BMPR1A: variants seen among roughly 807,000 people sequenced by gnomAD.
The protein encoded by BMPR1A is bone morphogenetic protein receptor type-1A.
Under a neutral mutation model 66.0 loss-of-function variants are expected in BMPR1A, and 7 were observed. The ratio of observed to expected loss-of-function variants is 0.11; its 90% CI spans 0.06 to 0.20. The LOEUF (loss-of-function observed/expected upper bound fraction) is 0.20, where lower values mean the gene tolerates loss of function less well. BMPR1A is among the 10% of genes least tolerant of loss of function. BMPR1A has a pLI of 1.00. For synonymous variants in BMPR1A, 200 were observed against 229.7 expected (o/e 0.87, Z 1.17); for missense variants, 408 against 669.1 (o/e 0.61, Z 4.31).
intron 2 of BMPR1A, among the ~76,000 whole-genome samples, chr10:86,842,020 C>A (rs1465584272): frequency 6.6e-6 from 1 of 152,184 alleles, no homozygotes; most frequent in Non-Finnish European, 1.5e-5. Flanking sequence ...ATTCTGTCAG[C>A]CGCTCTAAGC....
chr10:86,795,414 TTG>T (rs1841693319), intron 1 of BMPR1A, among the ~76,000 whole-genome samples: 1 of 76,710 alleles, frequency 1.3e-5, no homozygotes, highest in South Asian at 4.0e-4. Flanking sequence ...AAAAAGTGAT[TTG>T]TTTTTTTTTT....
At chr10:86,756,454 G>A (rs1305974472), upstream of BMPR1A, 4 of 151,440 alleles carry the variant, frequency 2.6e-5, no homozygotes, top group African/African-American at 9.7e-5. Flanking sequence ...CTTCCGCCGT[G>A]CGCTCGGCTC....
At chr10:86,920,856 C>CTTTTTTTTTTT (rs397774280) in intron 10 of BMPR1A, among the ~76,000 whole-genome samples, 18 of 122,186 alleles carry the variant, frequency 1.5e-4, no homozygotes, top group Non-Finnish European at 2.0e-4. Flanking sequence ...CTTTTCTTTT[C>CTTTTTTTTTTT]TTTTTTTTTT....
At chr10:86,799,506 C>CTTCCTTCCTTCCTTCT (rs1354339570) in intron 1 of BMPR1A, among the ~76,000 whole-genome samples, 1 of 64,478 alleles carries the variant, frequency 1.6e-5, no homozygotes, top group African/African-American at 4.2e-5. Flanking sequence ...TCCTTCCTTC[C>CTTCCTTCCTTCCTTCT]TTTCTTTTCT....
At chr10:86,782,943 AT>A (rs1207289399) in intron 1 of BMPR1A, among the ~76,000 whole-genome samples, 1 of 152,182 alleles carries the variant, frequency 6.6e-6, no homozygotes, top group East Asian at 1.9e-4. Context: ...CCAAGAAATC[AT>A]TGCCAAATTC....
chr10:86,761,578 A>C (rs922164107), intron 1 of BMPR1A, among the ~76,000 whole-genome samples: 1 of 152,252 alleles, frequency 6.6e-6, no homozygotes, highest in East Asian at 1.9e-4. Flanking sequence ...AAACCCATTT[A>C]TGCCTAGTGT....
intron 3 of BMPR1A, among the ~76,000 whole-genome samples, chr10:86,887,757 C>T (rs1053743311): frequency 2.0e-5 from 3 of 152,114 alleles, no homozygotes; most frequent in Admixed American, 6.5e-5. Flanking sequence ...TGAATTGATA[C>T]GTGTCTTCTG....
Position 86,926,098 on chromosome 10 carries a change from T to C in BMPR1A, c.*2379T>C, listed in dbSNP as rs567593794. 52 of 172,344 alleles carry C rather than the reference T, an allele frequency of 3.0e-4. No individual in the cohort carries two copies. Among genetic ancestry groups the C allele is most frequent in the East Asian group, 1.4e-3 (13 of 9,350 alleles). 10.7% of individuals were successfully genotyped at this position (172,344 alleles called of 1,614,324 possible). ...CAGCCAGTATATGAGACCACTATTA[T>C]GGTTTTTTAAAATTAACTTGGTCTA... On this transcript the variant is annotated 3_prime_UTR_variant, in exon 13 of 13. Coordinates refer to ENST00000372037, the MANE Select transcript of BMPR1A (RefSeq NM_004329.3).
intron 2 of BMPR1A, among the ~76,000 whole-genome samples, chr10:86,853,579 G>A (rs1453317745): frequency 6.7e-6 from 1 of 148,526 alleles, no homozygotes; most frequent in Non-Finnish European, 1.5e-5. Context: ...TAGTCATGTA[G>A]GTTCTTTTCT....
chr10:86,911,504 T>C (rs1845982911), intron 7 of BMPR1A, among the ~76,000 whole-genome samples: 1 of 152,146 alleles, frequency 6.6e-6, no homozygotes, highest in Admixed American at 6.6e-5. Context: ...CCCAGCACTT[T>C]GGGAGGCCAA....
intron 1 of BMPR1A, among the ~76,000 whole-genome samples, chr10:86,786,692 G>A (rs1349855953): frequency 6.6e-6 from 1 of 152,122 alleles, no homozygotes; most frequent in Non-Finnish European, 1.5e-5. Context: ...AAAGTTTGAC[G>A]GAAGTCCAAA....
At chr10:86,772,120 A>T (rs1841272996) in intron 1 of BMPR1A, among the ~76,000 whole-genome samples, 1 of 141,558 alleles carries the variant, frequency 7.1e-6, no homozygotes, top group African/African-American at 2.7e-5. Flanking sequence ...CGATGGTCAG[A>T]GATAGGTTTT....
chr10:86,901,604 T>A (rs1843311180), intron 7 of BMPR1A, among the ~76,000 whole-genome samples: 1 of 152,220 alleles, frequency 6.6e-6, no homozygotes, highest in Admixed American at 6.5e-5. Context: ...TTTACTGTTA[T>A]TTTATCTCCT....
At chr10:86,829,327 G>T (rs1842237864) in intron 1 of BMPR1A, among the ~76,000 whole-genome samples, 2 of 151,958 alleles carry the variant, frequency 1.3e-5, no homozygotes, top group East Asian at 1.9e-4. Context: ...TTCAAAGTAG[G>T]TTCTTCAAAA....
rs35251758 is a variant in BMPR1A at position 86,792,063 on chromosome 10, C to CT, written c.-268+35168dup. On this transcript the variant is annotated intron_variant, in intron 1 of 12. Coordinates refer to ENST00000372037, the MANE Select transcript of BMPR1A (RefSeq NM_004329.3). ...TTAATGTTGTTAATTACTGTCAGAT[C>CT]TTTTTTTTTTTTTTTTTTTTTTTTA... 5.5e-3 allele frequency among the ~76,000 whole-genome samples: 456 copies of CT among 83,628 alleles called. 6 individuals are homozygous for CT. The highest frequency in any genetic ancestry group is 0.012 in the Middle Eastern group (1 of 84). The allele number at this position is 83,628 out of a possible 152,430, so 54.9% of individuals were successfully genotyped here. A position where few individuals can be genotyped will look rare whatever the true frequency, so the allele number is the denominator to read the frequency against.
intron 1 of BMPR1A, among the ~76,000 whole-genome samples, chr10:86,830,042 G>A (rs137875379): frequency 3.4e-4 from 51 of 152,208 alleles, no homozygotes; most frequent in Non-Finnish European, 6.5e-4. Flanking sequence ...GGGAGAGAGC[G>A]TGGCCTCAGT....
chr10:86,797,974 TAGG>T (rs1218714865), intron 1 of BMPR1A, among the ~76,000 whole-genome samples: 3 of 152,158 alleles, frequency 2.0e-5, no homozygotes, highest in Non-Finnish European at 2.9e-5. Flanking sequence ...AGATAAATCT[TAGG>T]AGAGATTTTT....
intron 5 of BMPR1A, among the ~76,000 whole-genome samples, chr10:86,897,296 A>T (rs1443115585): frequency 1.3e-5 from 2 of 152,222 alleles, no homozygotes; most frequent in Non-Finnish European, 2.9e-5. Flanking sequence ...GGCAGAGGGT[A>T]CGGGTGGAGA....
chr10:86,831,571 CAT>C (rs2133069383), intron 1 of BMPR1A, among the ~76,000 whole-genome samples: 1 of 152,242 alleles, frequency 6.6e-6, no homozygotes, highest in East Asian at 1.9e-4. Flanking sequence ...GCCTGGGCAA[CAT>C]AGAGAGACCT....
Sources: gnomAD v4.1 joint callset for allele counts (sites outside exome capture counted in the v4.1 genomes callset) on GRCh38, gnomAD v4.1.1 for gene constraint, MANE v1.5 for transcripts, NCBI Gene and HGNC (gene_info 2026-07-23, HGNC 2026-07-21) for gene names.